Variants in ABAT observed in about 807,000 individuals in gnomAD.
ABAT encodes 4-aminobutyrate aminotransferase, mitochondrial.
A neutral mutation model predicts 64.6 loss-of-function variants in ABAT; 45 were observed. That is an observed-to-expected ratio of 0.70 (90% CI 0.55 to 0.89). ABAT has a LOEUF of 0.89. ABAT is among the 40% of genes least tolerant of loss of function. The pLI is 0.00. For missense variants in ABAT, 633 were observed against 658.4 expected (o/e 0.96, Z 0.42); for synonymous variants, 297 against 250.5 (o/e 1.19, Z -1.75).
In ABAT at chr16:8,781,580, G is replaced by T. The variant is rs1596475782; in HGVS notation, c.*150G>T. 9.5e-7 allele frequency: 1 copy of T among 1,057,968 alleles called. No individual in the cohort carries two copies. The highest frequency in any genetic ancestry group is 2.6e-5 in the East Asian group (1 of 38,140). 65.5% of individuals were successfully genotyped at this position (1,057,968 alleles called of 1,614,324 possible). On this transcript the variant is annotated 3_prime_UTR_variant, in exon 16 of 16. Transcript: ENST00000268251. This position sits in a 1 kb window ranked among gnomAD's most constrained non-coding sequence, Gnocchi z 4.5. ...GGGAGGGAGCATTTTTGGTGGTCTTGGGGGAGGGGAGGGGAGGGAAGGGCT... is the reference window on the plus strand; with the variant it reads ...GGGAGGGAGCATTTTTGGTGGTCTTTGGGGAGGGGAGGGGAGGGAAGGGCT...
chr16:8,728,878 CAA>C (rs1328322431), intron 1 of ABAT, among the ~76,000 whole-genome samples: 1 of 152,096 alleles, frequency 6.6e-6, no homozygotes, highest in East Asian at 1.9e-4. Context: ...ATCTCAAAAA[CAA>C]AGAGTTTGGT....
In ABAT at chr16:8,754,714, CTTTCTTTCTTT is replaced by C. The variant is rs1567305385; in HGVS notation, c.317-3039_317-3029del. Among the ~76,000 whole-genome samples the C allele has an allele frequency of 6.6e-5, 7 of 105,992 alleles. No homozygotes were observed. In the East Asian group the frequency reaches 9.0e-4, roughly 14 times the overall value. 69.5% of individuals were successfully genotyped at this position (105,992 alleles called of 152,430 possible). A position where few individuals can be genotyped will look rare whatever the true frequency, so the allele number is the denominator to read the frequency against. On this transcript the variant is annotated intron_variant, in intron 5 of 15. Transcript: ENST00000268251. ...TCTTTCTTTCTTTCTTTCTTTCTTT[CTTTCTTTCTTT>C]TTTTTTTCTTGAAAACGGAGTCCCA...
chr16:8,697,236 G>A (rs1415461542), intron 1 of ABAT, among the ~76,000 whole-genome samples: 2 of 152,166 alleles, frequency 1.3e-5, no homozygotes, highest in Non-Finnish European at 2.9e-5. Flanking sequence ...CAGATGCATG[G>A]CAGGTCCCAC....
At chr16:8,756,486 G>A (rs2059653062) in intron 5 of ABAT, among the ~76,000 whole-genome samples, 1 of 152,082 alleles carries the variant, frequency 6.6e-6, no homozygotes, top group Non-Finnish European at 1.5e-5. Flanking sequence ...TGCCATGGTG[G>A]TTTACTGCAC....
intron 11 of ABAT, among the ~76,000 whole-genome samples, chr16:8,770,238 T>C (rs4989413): frequency 0.31 from 47,106 of 151,230 alleles, 7,906 homozygotes; most frequent in Middle Eastern, 0.44. Context: ...CCTGGGTTCA[T>C]GCCATTTTCC....
At chr16:8,756,407 T>C (rs2059650447) in intron 5 of ABAT, among the ~76,000 whole-genome samples, 1 of 152,030 alleles carries the variant, frequency 6.6e-6, no homozygotes. Flanking sequence ...TTTTCTTTTT[T>C]TATTTCTTCT....
intron 1 of ABAT, among the ~76,000 whole-genome samples, chr16:8,710,588 A>T (rs2058044326): frequency 6.6e-6 from 1 of 151,856 alleles, no homozygotes; most frequent in Non-Finnish European, 1.5e-5. Context: ...AAATAAAAAC[A>T]TTACCCAGGG....
intron 1 of ABAT, among the ~76,000 whole-genome samples, chr16:8,734,097 G>C: frequency 6.6e-6 from 1 of 152,168 alleles, no homozygotes; most frequent in East Asian, 1.9e-4. Context: ...CAGTGAACAT[G>C]GGTTAAAATA....
rs758870080 is a variant in ABAT at position 8,776,330 on chromosome 16, G to T, written c.1123-14G>T. 32 of 1,613,996 alleles carry T rather than the reference G, an allele frequency of 2.0e-5. No homozygotes were observed. In the Admixed American group the frequency reaches 2.7e-4, roughly 13 times the overall value. On this transcript the variant is annotated splice_polypyrimidine_tract_variant and intron_variant, in intron 13 of 15. Coordinates refer to ENST00000268251, the MANE Select transcript of ABAT (RefSeq NM_020686.6). The surrounding 1 kb of genome is among the most constrained non-coding windows in gnomAD (Gnocchi z 4.4). ...ATGTGTGTGAAGCCTTCCAACACCCGTTCCTCATTCCAGCCCTACCGGATC... is the reference window on the plus strand; with the variant it reads ...ATGTGTGTGAAGCCTTCCAACACCCTTTCCTCATTCCAGCCCTACCGGATC...
chr16:8,768,525 G>T (rs753344688), intron 10 of ABAT, among the ~76,000 whole-genome samples: 1 of 152,124 alleles, frequency 6.6e-6, no homozygotes, highest in South Asian at 2.1e-4. Flanking sequence ...GTGATTAATC[G>T]CAATGCAAAC....
rs1330995774 is a variant in ABAT, at chr16:8,776,350, C to T, written c.1129C>T (p.Arg377Trp). The T allele has an allele frequency of 5.0e-6, 8 of 1,614,050 alleles. No homozygotes were observed. Among genetic ancestry groups the T allele is most frequent in the East Asian group, 2.2e-5 (1 of 44,898 alleles). Reference protein sequence around the residue: ...KEEFRPNAPYRIFNTWLGDPS... With the variant: ...KEEFRPNAPYWIFNTWLGDPS... Reference sequence around the variant, plus strand: ...CACCCGTTCCTCATTCCAGCCCTACCGGATCTTCAACACCTGGCTGGGGGA... The same window carrying T: ...CACCCGTTCCTCATTCCAGCCCTACTGGATCTTCAACACCTGGCTGGGGGA... Residue 377 changes from arginine (R) to tryptophan (W), a missense_variant, in exon 14 of 16, where the codon CGG becomes TGG. Transcript: ENST00000268251. This position sits in a 1 kb window ranked among gnomAD's most constrained non-coding sequence, Gnocchi z 4.4.
chr16:8,688,482 C>G (rs1341049869), intron 1 of ABAT, among the ~76,000 whole-genome samples: 1 of 152,202 alleles, frequency 6.6e-6, no homozygotes, highest in Non-Finnish European at 1.5e-5. Context: ...TAGACTTACT[C>G]TGTTTTTTTA....
intron 3 of ABAT, 36 bp from the exon 4 acceptor site, chr16:8,748,072 G>A (rs773000821): frequency 8.1e-6 from 13 of 1,607,724 alleles, no homozygotes; most frequent in Non-Finnish European, 1.0e-5. Context: ...CAAGAGTGTG[G>A]ACTTGCTATA....
chr16:8,679,982 A>C (rs2057295334), intron 1 of ABAT, among the ~76,000 whole-genome samples: 1 of 152,082 alleles, frequency 6.6e-6, no homozygotes, highest in African/African-American at 2.4e-5. Flanking sequence ...GTGGCCTCTA[A>C]TTACACATCC....
chr16:8,703,326 T>A (rs1304575324), intron 1 of ABAT, among the ~76,000 whole-genome samples: 1 of 151,660 alleles, frequency 6.6e-6, no homozygotes, highest in Non-Finnish European at 1.5e-5. Flanking sequence ...CGTGGTGGTG[T>A]GCGCCTGTAG....
intron 1 of ABAT, among the ~76,000 whole-genome samples, chr16:8,726,577 T>C (rs1487875081): frequency 6.6e-6 from 1 of 152,204 alleles, no homozygotes; most frequent in Non-Finnish European, 1.5e-5. Context: ...CACATTTTCT[T>C]TATCCATTCA....
chr16:8,775,865 A>T (rs1029969328), intron 13 of ABAT, among the ~76,000 whole-genome samples: 2 of 152,168 alleles, frequency 1.3e-5, no homozygotes, highest in African/African-American at 4.8e-5. Flanking sequence ...AGTTAGCCGC[A>T]TGGCCACCCT....
At position 8,719,631 on chromosome 16, in the gene ABAT, C is replaced by G. The variant is rs1318281368; in HGVS notation, c.-41-16068C>G. Among the ~76,000 whole-genome samples the G allele has an allele frequency of 3.3e-5, 5 of 152,116 alleles. No individual in the cohort carries two copies. In the South Asian group the frequency reaches 1.0e-3, roughly 32 times the overall value. On this transcript the variant is annotated intron_variant, in intron 1 of 15. Transcript: ENST00000268251. Reference sequence around the variant, plus strand: ...GTTGAGGCTGGTAGCAGGACCACCGCATGTGCCAATAGTCTTTAGCAGCTC... The same window carrying G: ...GTTGAGGCTGGTAGCAGGACCACCGGATGTGCCAATAGTCTTTAGCAGCTC...
chr16:8,765,191 C>T (rs1249123578), intron 8 of ABAT, among the ~76,000 whole-genome samples: 3 of 150,292 alleles, frequency 2.0e-5, no homozygotes, highest in African/African-American at 4.9e-5. Context: ...CAAAAATTGG[C>T]CAGGCATGGT....
Sources: gnomAD v4.1 joint callset for allele counts (sites outside exome capture counted in the v4.1 genomes callset) on GRCh38, gnomAD v4.1.1 for gene constraint, Gnocchi (gnomAD v3.1) non-coding constraint, MANE v1.5 for transcripts, NCBI Gene and HGNC (gene_info 2026-07-23, HGNC 2026-07-21) for gene names.